Variants in PAN3 observed in about 807,000 individuals in gnomAD.
The protein encoded by PAN3 is PAN2-PAN3 deadenylation complex subunit PAN3.
A neutral mutation model predicts 96.2 loss-of-function variants in PAN3; 19 were observed. The ratio of observed to expected loss-of-function variants is 0.20; its 90% CI spans 0.14 to 0.29. PAN3 has a LOEUF of 0.29. Among genes scored for constraint, PAN3 ranks in the 10% least tolerant of loss-of-function variants. PAN3 has a pLI of 1.00. For synonymous variants in PAN3, 433 were observed against 406.6 expected (o/e 1.06, Z -0.78); for missense variants, 882 against 1,108.1 (o/e 0.80, Z 2.90).
intron 3 of PAN3, among the ~76,000 whole-genome samples, chr13:28,177,593 G>A (rs1875202541): frequency 6.6e-6 from 1 of 151,854 alleles, no homozygotes. Flanking sequence ...ACAATAGTAT[G>A]GTTAAGAGGT....
intron 6 of PAN3, among the ~76,000 whole-genome samples, chr13:28,249,741 C>T (rs150995735): frequency 0.012 from 1,765 of 152,248 alleles, 24 homozygotes; most frequent in African/African-American, 0.04. Context: ...TGAGCCACCG[C>T]GCCCGGCCAA....
At chr13:28,283,527 G>T (rs945660792) in intron 17 of PAN3, among the ~76,000 whole-genome samples, 1 of 151,942 alleles carries the variant, frequency 6.6e-6, no homozygotes, top group Non-Finnish European at 1.5e-5. Flanking sequence ...TTATTCCAGA[G>T]TTACAAATAC....
chr13:28,288,971 C>A (rs1372029343), intron 18 of PAN3, among the ~76,000 whole-genome samples: 1 of 151,860 alleles, frequency 6.6e-6, no homozygotes, highest in Non-Finnish European at 1.5e-5. Flanking sequence ...GGACTACAGG[C>A]ACCCACCACC....
chr13:28,144,178 A>G (rs554522583), intron 1 of PAN3, among the ~76,000 whole-genome samples: 1 of 148,276 alleles, frequency 6.7e-6, no homozygotes, highest in Non-Finnish European at 1.5e-5. Flanking sequence ...ATAAATATCT[A>G]TAAGGTAATA....
At chr13:28,254,996 CAAAGA>C (rs997909711) in intron 6 of PAN3, among the ~76,000 whole-genome samples, 65 of 152,144 alleles carry the variant, frequency 4.3e-4, no homozygotes, top group African/African-American at 1.3e-3. Context: ...GAGGGCTATC[CAAAGA>C]AAAGAAAAGT....
intron 1 of PAN3, among the ~76,000 whole-genome samples, chr13:28,161,261 C>G (rs573079421): frequency 1.3e-5 from 2 of 152,222 alleles, no homozygotes; most frequent in African/African-American, 4.8e-5. Context: ...AGTCTAAGAT[C>G]AAGGTGTTGG....
chr13:28,274,073 C>G (rs1175156719), intron 14 of PAN3, among the ~76,000 whole-genome samples: 2 of 152,150 alleles, frequency 1.3e-5, no homozygotes, highest in African/African-American at 4.8e-5. Context: ...ACCCTTCTTT[C>G]CCTCTGCTTG....
intron 14 of PAN3, among the ~76,000 whole-genome samples, chr13:28,272,861 G>T (rs1886745612): frequency 6.6e-6 from 1 of 152,114 alleles, no homozygotes; most frequent in South Asian, 2.1e-4. Flanking sequence ...GAGCCACTGT[G>T]CCCGGCCTCC....
intron 17 of PAN3, 46 bp downstream of exon 17, chr13:28,281,425 T>A: frequency 6.8e-7 from 1 of 1,478,464 alleles, no homozygotes; most frequent in Non-Finnish European, 9.4e-7. Flanking sequence ...TCGAGAGCAC[T>A]ATTTTGCATA....
At chr13:28,288,236 C>G in intron 18 of PAN3, 114 bp downstream of exon 18, 1 of 905,662 alleles carries the variant, frequency 1.1e-6, no homozygotes, top group Non-Finnish European at 1.6e-6. Flanking sequence ...TTAAAGTAGC[C>G]TGTAAGACGT....
At chr13:28,257,688 A>ATAAATATATATTATATATATTATATATAT (rs1245154944) in intron 7 of PAN3, among the ~76,000 whole-genome samples, 1 of 140,146 alleles carries the variant, frequency 7.1e-6, no homozygotes, top group Non-Finnish European at 1.5e-5. Flanking sequence ...ATTAAATTAT[A>ATAAATATATATTATATATATTATATATAT]TAAATATATA....
chr13:28,171,769 G>T (rs750510421), intron 1 of PAN3, among the ~76,000 whole-genome samples: 1 of 152,086 alleles, frequency 6.6e-6, no homozygotes. Context: ...GCTTCATCTC[G>T]CAGGCAAGGG....
At chr13:28,160,488 A>G (rs771108333) in intron 1 of PAN3, among the ~76,000 whole-genome samples, 7 of 152,194 alleles carry the variant, frequency 4.6e-5, no homozygotes, top group Non-Finnish European at 1.0e-4. Flanking sequence ...AGTACTTGTC[A>G]CATGTCTTAG....
intron 14 of PAN3, 62 bp from the exon 15 acceptor site, chr13:28,277,175 A>T: frequency 6.8e-7 from 1 of 1,465,806 alleles, no homozygotes; most frequent in Non-Finnish European, 9.3e-7. Flanking sequence ...CAGTAGTGTC[A>T]GTGTATTAAA....
At chr13:28,251,531 T>C (rs1240910831) in intron 6 of PAN3, among the ~76,000 whole-genome samples, 2 of 152,194 alleles carry the variant, frequency 1.3e-5, no homozygotes, top group Admixed American at 6.5e-5. Flanking sequence ...CTTATACTTA[T>C]GCATGGAACA....
chr13:28,233,077 T>C (rs1882743843), intron 6 of PAN3, among the ~76,000 whole-genome samples: 1 of 152,144 alleles, frequency 6.6e-6, no homozygotes, highest in South Asian at 2.1e-4. Flanking sequence ...TACGAAAATT[T>C]TAAATCAGTA....
intron 6 of PAN3, among the ~76,000 whole-genome samples, chr13:28,248,755 T>G (rs1884445599): frequency 6.6e-6 from 1 of 152,210 alleles, no homozygotes; most frequent in African/African-American, 2.4e-5. Context: ...ATTCCTGAGC[T>G]CAAACCATCT....
At chr13:28,281,212 T>G in intron 16 of PAN3, 103 bp from the exon 17 acceptor site, 1 of 796,004 alleles carries the variant, frequency 1.3e-6, no homozygotes, top group Non-Finnish European at 2.1e-6. Context: ...GATTTATTGT[T>G]TAAAGGTAAT....
At chr13:28,289,490 C>T (rs1385614151) in intron 18 of PAN3, among the ~76,000 whole-genome samples, 1 of 152,180 alleles carries the variant, frequency 6.6e-6, no homozygotes, top group African/African-American at 2.4e-5. Context: ...GTTGCTCAGG[C>T]TGGTCCCAAA....
Sources: allele counts gnomAD v4.1 joint callset (sites outside exome capture counted in the v4.1 genomes callset), GRCh38; gene constraint gnomAD v4.1.1; transcripts MANE v1.5; gene names NCBI Gene and HGNC (gene_info 2026-07-23, HGNC 2026-07-21).